TRAFD1: variants seen among roughly 807,000 people sequenced by gnomAD.
The protein encoded by TRAFD1 is TRAF-type zinc finger domain-containing protein 1.
A neutral mutation model predicts 65.3 loss-of-function variants in TRAFD1; 38 were observed. The ratio of observed to expected loss-of-function variants is 0.58; its 90% CI spans 0.45 to 0.76. TRAFD1 has a LOEUF of 0.76. TRAFD1 is among the 30% of genes least tolerant of loss of function. TRAFD1 has a pLI of 0.00. For missense variants in TRAFD1, 631 were observed against 712.6 expected, an observed-to-expected ratio of 0.89 and a Z score of 1.30; for synonymous variants, 223 against 257.2, an observed-to-expected ratio of 0.87 and a Z score of 1.27.
chr12:112,132,352 A>G (rs1176284957), intron 2 of TRAFD1, among the ~76,000 whole-genome samples: 1 of 152,204 alleles, frequency 6.6e-6, no homozygotes, highest in Non-Finnish European at 1.5e-5. Context: ...TGTGTTACAG[A>G]GTATATAATT....
At chr12:112,151,655 C>T (rs2030408683) in intron 9 of TRAFD1, 146 bp from the exon 10 acceptor site, 1 of 735,232 alleles carries the variant, frequency 1.4e-6, no homozygotes, top group Non-Finnish European at 2.2e-6. Context: ...ACCTCGGCCT[C>T]CCAAAGTGCT....
In TRAFD1 at chr12:112,152,893, TC is replaced by T; in HGVS notation, c.*104del. The T allele has an allele frequency of 7.1e-7, 1 of 1,411,226 alleles. No homozygotes were observed. The highest frequency in any genetic ancestry group is 9.7e-7 in the Non-Finnish European group (1 of 1,028,488). The allele number at this position is 1,411,226 out of a possible 1,614,324, so 87.4% of individuals were successfully genotyped here. A position where few individuals can be genotyped will look rare whatever the true frequency, so the allele number is the denominator to read the frequency against. On this transcript the variant is annotated 3_prime_UTR_variant, in exon 12 of 12. Transcript: ENST00000412615. This position sits in a 1 kb window ranked among gnomAD's most constrained non-coding sequence, Gnocchi z 5.0. ...TTGGCTCTTTGGGTGGGAGAGTTTT[TC>T]CAGATTTTAGATTTTTCTAGGTTAT...
intron 6 of TRAFD1, among the ~76,000 whole-genome samples, chr12:112,144,128 C>T (rs1047635901): frequency 5.3e-5 from 8 of 152,124 alleles, no homozygotes; most frequent in Non-Finnish European, 7.3e-5. Context: ...GTTGTTTCTG[C>T]GTCTCCTGTT....
chr12:112,130,705 C>T lies in TRAFD1; in HGVS notation c.47+136C>T. On this transcript the variant is annotated intron_variant, in intron 2 of 11. Coordinates refer to ENST00000412615, the MANE Select transcript of TRAFD1 (RefSeq NM_006700.3). The surrounding 1 kb of genome is among the most constrained non-coding windows in gnomAD (Gnocchi z 4.4). ...GCTTTCTATTTTGGTGTTTATAACC[C>T]ACATGAATTACAAGAAAGAGCATCT... is the stretch of plus-strand genomic sequence containing the variant. The T allele has an allele frequency of 1.7e-6, 1 of 589,238 alleles. No individual in the cohort carries two copies. Among genetic ancestry groups the T allele is most frequent in the Non-Finnish European group, 2.8e-6 (1 of 355,304 alleles). 36.5% of individuals were successfully genotyped at this position (589,238 alleles called of 1,614,324 possible). A position where few individuals can be genotyped will look rare whatever the true frequency, so the allele number is the denominator to read the frequency against.
intron 4 of TRAFD1, among the ~76,000 whole-genome samples, chr12:112,139,224 C>A (rs1385326671): frequency 6.6e-6 from 1 of 151,862 alleles, no homozygotes; most frequent in Non-Finnish European, 1.5e-5. Flanking sequence ...ATGGCATATA[C>A]CTGTGGTCCC....
At chr12:112,145,914 C>G (rs2030227834) in intron 7 of TRAFD1, among the ~76,000 whole-genome samples, 1 of 148,544 alleles carries the variant, frequency 6.7e-6, no homozygotes, top group African/African-American at 2.5e-5. Flanking sequence ...TAAACTATCG[C>G]AAGGACAAAA....
intron 4 of TRAFD1, among the ~76,000 whole-genome samples, chr12:112,135,281 T>C (rs967503425): frequency 1.3e-5 from 2 of 152,228 alleles, no homozygotes; most frequent in East Asian, 3.8e-4. Context: ...ACTCGCGAAG[T>C]ATCTCCCTTT....
chr12:112,131,450 A>C (rs1219191486), intron 2 of TRAFD1, among the ~76,000 whole-genome samples: 1 of 152,218 alleles, frequency 6.6e-6, no homozygotes, highest in East Asian at 1.9e-4. Context: ...AAACAATGCT[A>C]TTCAAAGCCA....
At chr12:112,145,784 G>T (rs2030223108) in intron 7 of TRAFD1, 122 bp downstream of exon 7, 2 of 857,908 alleles carry the variant, frequency 2.3e-6, no homozygotes, top group Admixed American at 5.0e-5. Flanking sequence ...GGAATAGCAA[G>T]TGTTCTTTTC....
At position 112,152,651 on chromosome 12, in the gene TRAFD1, C is replaced by T. The variant is rs184190553; in HGVS notation, c.1693-84C>T. On this transcript the variant is annotated intron_variant, in intron 11 of 11. Coordinates refer to ENST00000412615, the MANE Select transcript of TRAFD1 (RefSeq NM_006700.3). The surrounding 1 kb of genome is among the most constrained non-coding windows in gnomAD (Gnocchi z 5.0). Reference sequence around the variant, plus strand: ...TTTGAGAAGGAGGTTTCTAAGGAAGCGGGACATTTTCGGGGATCCAGGGGA... The same window carrying T: ...TTTGAGAAGGAGGTTTCTAAGGAAGTGGGACATTTTCGGGGATCCAGGGGA... The T allele has an allele frequency of 2.1e-3, 3,300 of 1,604,258 alleles. 4 individuals carry two copies. Among genetic ancestry groups the T allele is most frequent in the Non-Finnish European group, 2.5e-3 (2,910 of 1,172,358 alleles).
rs541521208 is a variant in TRAFD1, at chr12:112,137,178, G to A, written c.237+2112G>A. Reference sequence around the variant, plus strand: ...GTGGAGGTTGCAGTGAGCCGAGATCGTGCCATTGCACTCCAGCCTGGGTGA... The same window carrying A: ...GTGGAGGTTGCAGTGAGCCGAGATCATGCCATTGCACTCCAGCCTGGGTGA... On this transcript the variant is annotated intron_variant, in intron 4 of 11. Coordinates refer to ENST00000412615, the MANE Select transcript of TRAFD1 (RefSeq NM_006700.3). The surrounding 1 kb of genome is among the most constrained non-coding windows in gnomAD (Gnocchi z 4.2). 1.3e-5 allele frequency among the ~76,000 whole-genome samples: 2 copies of A among 152,244 alleles called. No homozygotes were observed. The highest frequency in any genetic ancestry group is 1.9e-4 in the East Asian group (1 of 5,176).
chr12:112,145,468 C>A, intron 6 of TRAFD1, 118 bp from the exon 7 acceptor site: 3 of 973,790 alleles, frequency 3.1e-6, no homozygotes, highest in Admixed American at 2.4e-5. Flanking sequence ...AAATTGCTAT[C>A]TATAAGAAAC....
intron 4 of TRAFD1, among the ~76,000 whole-genome samples, chr12:112,135,279 A>C (rs2079592328): frequency 6.6e-6 from 1 of 152,192 alleles, no homozygotes; most frequent in Non-Finnish European, 1.5e-5. Context: ...AGACTCGCGA[A>C]GTATCTCCCT....
chr12:112,137,969 C>T lies in TRAFD1; in HGVS notation c.238-2850C>T, dbSNP rs2029968096. 6.6e-6 allele frequency among the ~76,000 whole-genome samples: 1 copy of T among 151,850 alleles called. No individual in the cohort carries two copies. The highest frequency in any genetic ancestry group is 1.5e-5 in the Non-Finnish European group (1 of 67,954). ...CTTAAAGGTAATTCACAGCGGGCTA[C>T]AGTGACTCATGCCTGTATCCTAGCA... On this transcript the variant is annotated intron_variant, in intron 4 of 11. Transcript: ENST00000412615. This position sits in a 1 kb window ranked among gnomAD's most constrained non-coding sequence, Gnocchi z 4.2.
chr12:112,136,597 T>A (rs964963759), intron 4 of TRAFD1, among the ~76,000 whole-genome samples: 2 of 152,018 alleles, frequency 1.3e-5, no homozygotes, highest in African/African-American at 4.8e-5. Context: ...TTCTTTTTTT[T>A]AATTAAAAAC....
chr12:112,143,370 C>T (rs980539580), intron 6 of TRAFD1, among the ~76,000 whole-genome samples: 1 of 152,196 alleles, frequency 6.6e-6, no homozygotes, highest in African/African-American at 2.4e-5. Flanking sequence ...TGAGCTACTG[C>T]GCCCAGCCAT....
At chr12:112,135,998 T>C (rs2079598548) in intron 4 of TRAFD1, among the ~76,000 whole-genome samples, 1 of 150,804 alleles carries the variant, frequency 6.6e-6, no homozygotes, top group African/African-American at 2.4e-5. Flanking sequence ...AACAATTAGC[T>C]GGGCGTGGAG....
chr12:112,128,440 T>C (rs1158340548), intron 1 of TRAFD1, among the ~76,000 whole-genome samples: 3 of 152,188 alleles, frequency 2.0e-5, no homozygotes, highest in Non-Finnish European at 4.4e-5. Context: ...TTTTGTATCA[T>C]GGAAAGGAAT....
intron 7 of TRAFD1, 109 bp downstream of exon 7, chr12:112,145,771 G>A: frequency 1.1e-6 from 1 of 929,654 alleles, no homozygotes; most frequent in Admixed American, 2.2e-5. Context: ...AATGCCCATA[G>A]TAGGAATAGC....
Sources: gnomAD v4.1 joint callset for allele counts (sites outside exome capture counted in the v4.1 genomes callset) on GRCh38, gnomAD v4.1.1 for gene constraint, Gnocchi (gnomAD v3.1) non-coding constraint, MANE v1.5 for transcripts, NCBI Gene and HGNC (gene_info 2026-07-23, HGNC 2026-07-21) for gene names.